PRUNE2: variants seen among roughly 807,000 people sequenced by gnomAD.
PRUNE2 encodes protein prune homolog 2.
PRUNE2 carries 164 observed loss-of-function variants against 252.0 expected under a neutral mutation model. The observed-to-expected ratio is 0.65, with a 90% confidence interval of 0.57 to 0.74. The LOEUF (loss-of-function observed/expected upper bound fraction) is 0.74. Ranked by LOEUF, PRUNE2 falls within the 30% of genes least tolerant of loss-of-function variation. The probability of loss-of-function intolerance (pLI) is 0.00; values close to 1 mark genes in which losing one functional copy is unlikely to be tolerated. For synonymous variants in PRUNE2, 1,292 were observed against 1,350.2 expected, an observed-to-expected ratio of 0.96 and a Z score of 0.94; for missense variants, 3,495 against 3,711.0, an observed-to-expected ratio of 0.94 and a Z score of 1.51.
At chr9:76,725,642 G>A (rs1333734956) in intron 6 of PRUNE2, among the ~76,000 whole-genome samples, 2 of 152,128 alleles carry the variant, frequency 1.3e-5, no homozygotes, top group Non-Finnish European at 2.9e-5. Context: ...TTTGCTCACT[G>A]ATAAACTTTA....
intron 1 of PRUNE2, among the ~76,000 whole-genome samples, chr9:76,868,681 G>A (rs894906507): frequency 3.3e-5 from 5 of 152,008 alleles, no homozygotes; most frequent in African/African-American, 9.7e-5. Flanking sequence ...AAATTGTTAC[G>A]ACTTCTCAAA....
intron 5 of PRUNE2, among the ~76,000 whole-genome samples, chr9:76,826,340 T>C (rs1194947657): frequency 6.6e-6 from 1 of 152,158 alleles, no homozygotes; most frequent in Non-Finnish European, 1.5e-5. Flanking sequence ...CTGACTGTCA[T>C]GGTGCATGCC....
At chr9:76,801,101 T>G (rs967683289) in intron 6 of PRUNE2, among the ~76,000 whole-genome samples, 28 of 152,246 alleles carry the variant, frequency 1.8e-4, no homozygotes, top group Non-Finnish European at 3.4e-4. Flanking sequence ...TGACTTCATT[T>G]GTGTAGGAAC....
At chr9:76,651,081 G>A (rs963892741) in intron 11 of PRUNE2, among the ~76,000 whole-genome samples, 2 of 152,060 alleles carry the variant, frequency 1.3e-5, no homozygotes, top group Non-Finnish European at 2.9e-5. Context: ...TCCTATTTGT[G>A]TATTTCAACC....
At chr9:76,751,251 G>GAC (rs3048276) in intron 6 of PRUNE2, among the ~76,000 whole-genome samples, 95,239 of 149,052 alleles carry the variant, frequency 0.64, 30,576 homozygotes, top group Non-Finnish European at 0.7. Context: ...AGGGGACACA[G>GAC]ACACACACAC....
chr9:76,894,093 G>GA (rs775725751), intron 1 of PRUNE2, among the ~76,000 whole-genome samples: 149 of 152,086 alleles, frequency 9.8e-4, no homozygotes, highest in Non-Finnish European at 1.4e-3. Context: ...CATCTAAAGA[G>GA]AAAAAACGAG....
intron 1 of PRUNE2, chr9:76,863,343 G>A (rs1400055488): frequency 6.6e-6 from 1 of 151,998 alleles, no homozygotes; most frequent in Non-Finnish European, 1.5e-5. Context: ...TATAATGCAT[G>A]TTTATTATGA....
chr9:76,631,218 T>G (rs1207203259), intron 15 of PRUNE2, among the ~76,000 whole-genome samples: 1 of 152,156 alleles, frequency 6.6e-6, no homozygotes, highest in Non-Finnish European at 1.5e-5. Flanking sequence ...AAAGACTGAG[T>G]GGGTGACTGA....
intron 10 of PRUNE2, among the ~76,000 whole-genome samples, chr9:76,653,701 A>G (rs1369469025): frequency 6.6e-6 from 1 of 152,132 alleles, no homozygotes; most frequent in Non-Finnish European, 1.5e-5. Flanking sequence ...ACAACTCTGT[A>G]TATGATCTTC....
intron 6 of PRUNE2, among the ~76,000 whole-genome samples, chr9:76,821,202 C>T (rs1160080548): frequency 6.6e-6 from 1 of 152,116 alleles, no homozygotes; most frequent in Admixed American, 6.5e-5. Context: ...CCTTGGTTGA[C>T]CATGCTTTGG....
intron 1 of PRUNE2, chr9:76,868,837 T>TGGGGGGGGGGGGGGGGGGGG (rs111357062): frequency 1.3e-5 from 1 of 77,098 alleles, no homozygotes; most frequent in Non-Finnish European, 2.8e-5. Flanking sequence ...CCTTGGGGGG[T>TGGGGGGGGGGGGGGGGGGGG]GGGGGGGGGG....
chr9:76,902,271 C>T (rs1345779706), intron 1 of PRUNE2, among the ~76,000 whole-genome samples: 2 of 150,726 alleles, frequency 1.3e-5, no homozygotes, highest in African/African-American at 4.9e-5. Context: ...TTTCCCAAAT[C>T]ACAGCATAGA....
chr9:76,883,564 A>G (rs2133339621), intron 1 of PRUNE2, among the ~76,000 whole-genome samples: 1 of 152,330 alleles, frequency 6.6e-6, no homozygotes. Context: ...AATAGTTACA[A>G]TATGGCTCCT....
chr9:76,857,976 A>G (rs531078488), intron 1 of PRUNE2, among the ~76,000 whole-genome samples: 3 of 152,162 alleles, frequency 2.0e-5, no homozygotes, highest in Non-Finnish European at 4.4e-5. Context: ...CCTATCTCAC[A>G]TATCCACATA....
chr9:76,850,377 C>T, intron 3 of PRUNE2, 86 bp downstream of exon 3: 2 of 1,081,336 alleles, frequency 1.8e-6, no homozygotes, highest in East Asian at 2.4e-5. Context: ...TCTGCCTAAA[C>T]CACAAAAGTC....
intron 1 of PRUNE2, among the ~76,000 whole-genome samples, chr9:76,867,441 A>G (rs1186185986): frequency 6.6e-6 from 1 of 152,156 alleles, no homozygotes; most frequent in East Asian, 1.9e-4. Context: ...GTGGAGCTAG[A>G]ATTTAAGGCT....
At chr9:76,879,623 T>C (rs2061648439) in intron 1 of PRUNE2, among the ~76,000 whole-genome samples, 1 of 151,870 alleles carries the variant, frequency 6.6e-6, no homozygotes, top group South Asian at 2.1e-4. Context: ...TGTGTGTGTG[T>C]GTCTTGGAAA....
At chr9:76,857,843 GT>G (rs2132717308) in intron 1 of PRUNE2, among the ~76,000 whole-genome samples, 1 of 152,196 alleles carries the variant, frequency 6.6e-6, no homozygotes, top group Admixed American at 6.5e-5. Context: ...GGTCCCCACG[GT>G]TCTGGTGCAC....
chr9:76,837,456 T>TAATAATAATAATA (rs1460380703), intron 4 of PRUNE2, among the ~76,000 whole-genome samples: 1 of 92,972 alleles, frequency 1.1e-5, no homozygotes, highest in African/African-American at 4.5e-5. Context: ...ATAATAATAA[T>TAATAATAATAATA]AATAATAATA....
Sources: allele counts gnomAD v4.1 joint callset (sites outside exome capture counted in the v4.1 genomes callset), GRCh38; gene constraint gnomAD v4.1.1; transcripts MANE v1.5; gene names NCBI Gene and HGNC (gene_info 2026-07-23, HGNC 2026-07-21).